The following TSPAN9 variants were observed in gnomAD, a reference collection of about 807,000 sequenced individuals.
The protein encoded by TSPAN9 is tetraspanin-9.
A neutral mutation model predicts 31.0 loss-of-function variants in TSPAN9; 16 were observed. The ratio of observed to expected loss-of-function variants is 0.52; its 90% CI spans 0.35 to 0.78. TSPAN9 has a LOEUF of 0.78. TSPAN9 is among the 30% of genes least tolerant of loss of function. The probability of loss-of-function intolerance (pLI) is 0.01; values close to 1 mark genes in which losing one functional copy is unlikely to be tolerated. For synonymous variants in TSPAN9, 145 were observed against 121.6 expected (o/e 1.19, Z -1.27); for missense variants, 272 against 312.5 (o/e 0.87, Z 0.98).
At chr12:3,272,516 A>G (rs1862699763) in intron 3 of TSPAN9, among the ~76,000 whole-genome samples, 2 of 151,308 alleles carry the variant, frequency 1.3e-5, no homozygotes, top group African/African-American at 2.4e-5. Flanking sequence ...TTTTTTCCCC[A>G]AAGTGCTGGG....
Position 3,281,087 on chromosome 12 carries a change from C to G in TSPAN9, c.433-111C>G, listed in dbSNP as rs1053126092. ...AGCCCTTTGTCTCCTCCCTTAACTGCAGGGTGGCCACTTTTGCGGGGACTG... is the reference window on the plus strand; with the variant it reads ...AGCCCTTTGTCTCCTCCCTTAACTGGAGGGTGGCCACTTTTGCGGGGACTG... On this transcript the variant is annotated intron_variant, in intron 6 of 8. Transcript: ENST00000011898. 5 of 1,500,754 alleles carry G rather than the reference C, an allele frequency of 3.3e-6. No homozygotes were observed. In the African/African-American group the frequency reaches 7.1e-5, roughly 21 times the overall value. 93.0% of individuals were successfully genotyped at this position (1,500,754 alleles called of 1,614,324 possible). A position where few individuals can be genotyped will look rare whatever the true frequency, so the allele number is the denominator to read the frequency against.
chr12:3,244,673 C>G (rs1311603360), intron 3 of TSPAN9, among the ~76,000 whole-genome samples: 5 of 152,232 alleles, frequency 3.3e-5, no homozygotes, highest in South Asian at 2.1e-4. Flanking sequence ...CAGCCACCCC[C>G]CTAAAGGGGA....
chr12:3,113,246 A>G (rs1184640601), intron 2 of TSPAN9, among the ~76,000 whole-genome samples: 1 of 151,968 alleles, frequency 6.6e-6, no homozygotes, highest in Non-Finnish European at 1.5e-5. Context: ...GCTGTAAAAG[A>G]GGGCATGTGT....
chr12:3,245,572 G>A (rs188774235), intron 3 of TSPAN9, among the ~76,000 whole-genome samples: 1 of 152,298 alleles, frequency 6.6e-6, no homozygotes, highest in African/African-American at 2.4e-5. Flanking sequence ...AAACTGAGGA[G>A]GGAGAAGCCT....
Position 3,278,712 on chromosome 12 carries a change from C to T in TSPAN9, c.255+100C>T, listed in dbSNP as rs528858997. 28 of 1,457,308 alleles carry T rather than the reference C, an allele frequency of 1.9e-5. No homozygotes were observed. In the African/African-American group the frequency reaches 3.2e-4, roughly 17 times the overall value. 90.3% of individuals were successfully genotyped at this position (1,457,308 alleles called of 1,614,324 possible). ...CTGGAATATTAGCCACCTGGGTGTC[C>T]AACCTGAGCCCAGGGAAACTGCTTC... On this transcript the variant is annotated intron_variant, in intron 4 of 8. Coordinates refer to ENST00000011898, the MANE Select transcript of TSPAN9 (RefSeq NM_006675.5).
intron 3 of TSPAN9, among the ~76,000 whole-genome samples, chr12:3,250,597 C>T (rs1188999955): frequency 6.6e-6 from 1 of 152,232 alleles, no homozygotes; most frequent in Non-Finnish European, 1.5e-5. Context: ...GGAAGACCTT[C>T]TCATTGCACA....
chr12:3,267,039 G>T (rs893848056), intron 3 of TSPAN9, among the ~76,000 whole-genome samples: 4 of 152,206 alleles, frequency 2.6e-5, no homozygotes, highest in African/African-American at 9.6e-5. Context: ...ACCTGCCATG[G>T]GTGGAGCCGA....
intron 2 of TSPAN9, among the ~76,000 whole-genome samples, chr12:3,093,202 A>C (rs2159408): frequency 0.44 from 66,915 of 152,044 alleles, 15,012 homozygotes; most frequent in South Asian, 0.52. Context: ...GGGAGATGGG[A>C]TGGCAGTCTG....
chr12:3,177,199 G>C (rs1462001960), intron 2 of TSPAN9, among the ~76,000 whole-genome samples: 1 of 146,912 alleles, frequency 6.8e-6, no homozygotes, highest in Non-Finnish European at 1.5e-5. Context: ...CTGCAGTGGT[G>C]CGATCTCGGC....
At chr12:3,265,407 C>T (rs1205524009) in intron 3 of TSPAN9, among the ~76,000 whole-genome samples, 1 of 152,188 alleles carries the variant, frequency 6.6e-6, no homozygotes. Flanking sequence ...TGAAAGCGCC[C>T]TCTGGAAAAC....
chr12:3,248,703 C>T (rs1441917971), intron 3 of TSPAN9, among the ~76,000 whole-genome samples: 1 of 152,092 alleles, frequency 6.6e-6, no homozygotes, highest in Admixed American at 6.5e-5. Flanking sequence ...TGGTTATGCC[C>T]CCTGCTCCCC....
intron 2 of TSPAN9, among the ~76,000 whole-genome samples, chr12:3,102,686 C>T (rs1307316979): frequency 2.0e-5 from 3 of 152,226 alleles, no homozygotes; most frequent in Non-Finnish European, 2.9e-5. Context: ...ATCCGACCGC[C>T]TCGGCCTTCC....
At chr12:3,253,395 C>T (rs1862288775) in intron 3 of TSPAN9, among the ~76,000 whole-genome samples, 1 of 152,140 alleles carries the variant, frequency 6.6e-6, no homozygotes, top group Non-Finnish European at 1.5e-5. Flanking sequence ...TAGCTCTCAC[C>T]CTGGTAAGTT....
intron 3 of TSPAN9, among the ~76,000 whole-genome samples, chr12:3,262,948 C>T (rs1862477712): frequency 6.6e-6 from 1 of 152,152 alleles, no homozygotes; most frequent in African/African-American, 2.4e-5. Context: ...TTTCCTTAAC[C>T]AGGGCCTTTG....
intron 2 of TSPAN9, among the ~76,000 whole-genome samples, chr12:3,180,634 A>G (rs2098358173): frequency 6.6e-6 from 1 of 152,240 alleles, no homozygotes. Context: ...TCACAGTTAA[A>G]TATCTGTTAT....
At chr12:3,080,902 G>T (rs1252515779) in intron 1 of TSPAN9, among the ~76,000 whole-genome samples, 1 of 152,178 alleles carries the variant, frequency 6.6e-6, no homozygotes, top group Non-Finnish European at 1.5e-5. Context: ...AAGCAGCCCA[G>T]CTTAGGTGGG....
intron 1 of TSPAN9, among the ~76,000 whole-genome samples, chr12:3,081,506 C>T (rs2098297798): frequency 6.6e-6 from 1 of 152,176 alleles, no homozygotes; most frequent in Non-Finnish European, 1.5e-5. Flanking sequence ...AGACCTTTCT[C>T]ATGTCTGAGC....
chr12:3,239,987 G>A (rs868392548), intron 3 of TSPAN9, among the ~76,000 whole-genome samples: 2 of 151,626 alleles, frequency 1.3e-5, no homozygotes, highest in South Asian at 2.1e-4. Context: ...CAGGTGTAAC[G>A]AATGACCTTA....
intron 2 of TSPAN9, among the ~76,000 whole-genome samples, chr12:3,145,285 G>A (rs899932764): frequency 2.6e-5 from 4 of 152,194 alleles, no homozygotes; most frequent in African/African-American, 7.2e-5. Context: ...CTCTCCCGTT[G>A]TGTCCTCCCT....
Sources: gnomAD v4.1 joint callset for allele counts (sites outside exome capture counted in the v4.1 genomes callset) on GRCh38, gnomAD v4.1.1 for gene constraint, MANE v1.5 for transcripts, NCBI Gene and HGNC (gene_info 2026-07-23, HGNC 2026-07-21) for gene names.